The following TEX15 variants were observed in gnomAD, a reference collection of about 807,000 sequenced individuals.
TEX15 encodes the protein testis-expressed protein 15.
A neutral mutation model predicts 237.3 loss-of-function variants in TEX15; 171 were observed. The observed-to-expected ratio is 0.72, with a 90% CI of 0.64 to 0.82. The LOEUF (loss-of-function observed/expected upper bound fraction) is 0.82, where lower values mean the gene tolerates loss of function less well. Among genes scored for constraint, TEX15 ranks in the 40% least tolerant of loss-of-function variants. The pLI is 0.00. For synonymous variants in TEX15, 1,338 were observed against 1,269.8 expected, an observed-to-expected ratio of 1.05 and a Z score of -1.14; for missense variants, 3,750 against 3,646.5, an observed-to-expected ratio of 1.03 and a Z score of -0.73.
At chr8:30,879,720 T>A (rs1324992314) in intron 3 of TEX15, among the ~76,000 whole-genome samples, 2 of 152,186 alleles carry the variant, frequency 1.3e-5, no homozygotes, top group Admixed American at 1.3e-4. Flanking sequence ...TCCATATACT[T>A]CTTCTATTTC....
Position 30,843,228 on chromosome 8 carries a change from C to A in TEX15, c.6939G>T (p.Lys2313Asn), listed in dbSNP as rs1807505437. Residue 2313 changes from lysine (K) to asparagine (N), a missense_variant, in exon 8 of 11, where the codon AAG (lysine) becomes AAT (asparagine). Lys to Asn is a moderately conservative substitution (Grantham distance 94). Coordinates refer to ENST00000643185, the MANE Select transcript of TEX15 (RefSeq NM_001350162.2). Reference sequence around the variant, plus strand: ...AATCTTTAGACAAAGTATCATATATCTTCTGCAACTTAGAAAAGGCACATT... The same window carrying A: ...AATCTTTAGACAAAGTATCATATATATTCTGCAACTTAGAAAAGGCACATT... ...VNKCAFSKLQKIYDTLSKDLN... is the reference protein window; with the variant it reads ...VNKCAFSKLQNIYDTLSKDLN... The A allele has an allele frequency of 2.5e-6, 4 of 1,613,416 alleles. No individual in the cohort carries two copies. The highest frequency in any genetic ancestry group is 2.5e-6 in the Non-Finnish European group (3 of 1,179,668).
chr8:30,895,394 T>C (rs1247328740), intron 2 of TEX15, among the ~76,000 whole-genome samples: 1 of 151,660 alleles, frequency 6.6e-6, no homozygotes, highest in African/African-American at 2.4e-5. Context: ...ACATTGCTTT[T>C]CATGGACTAG....
chr8:30,867,273 T>C lies in TEX15; in HGVS notation c.532A>G (p.Ile178Val). Reference sequence around the variant, plus strand: ...TGTTTTATGATACCTACCTTAAAAATTAAAATACTTTCTACAGTAATGCTT... The same window carrying C: ...TGTTTTATGATACCTACCTTAAAAACTAAAATACTTTCTACAGTAATGCTT... ...SQSITVESIL[I>V]FKVLFGKVKK... The change falls in exon 5 of 11, where the codon ATT (isoleucine) becomes GTT (valine). Residue 178 changes from isoleucine (I) to valine (V), a missense_variant. Transcript: ENST00000643185. 6.8e-7 allele frequency: 1 copy of C among 1,468,532 alleles called. No homozygotes were observed. The allele number at this position is 1,468,532 out of a possible 1,614,324, so 91.0% of individuals were successfully genotyped here. A position where few individuals can be genotyped will look rare whatever the true frequency, so the allele number is the denominator to read the frequency against.
intron 3 of TEX15, among the ~76,000 whole-genome samples, chr8:30,876,406 C>T (rs1171766285): frequency 6.6e-6 from 1 of 152,156 alleles, no homozygotes; most frequent in Non-Finnish European, 1.5e-5. Flanking sequence ...GTAATGTGAC[C>T]TAAGTTCTTC....
chr8:30,838,901 C>T (rs7842562), intron 9 of TEX15, among the ~76,000 whole-genome samples: 3 of 148,316 alleles, frequency 2.0e-5, no homozygotes, highest in Admixed American at 6.7e-5. Context: ...CTGCAACCTC[C>T]GCCTCCCAAG....
chr8:30,899,450 G>A (rs1054786697), intron 1 of TEX15, among the ~76,000 whole-genome samples: 3 of 152,056 alleles, frequency 2.0e-5, no homozygotes, highest in African/African-American at 2.4e-5. Flanking sequence ...TTCTTTTTGT[G>A]TGTGCGTGTG....
chr8:30,842,531 G>T lies in TEX15; in HGVS notation c.7636C>A (p.Gln2546Lys), dbSNP rs1480830203. 1 of 1,611,216 alleles carries T rather than the reference G, an allele frequency of 6.2e-7. No individual in the cohort carries two copies. Among genetic ancestry groups the T allele is most frequent in the Non-Finnish European group, 8.5e-7 (1 of 1,179,640 alleles). The change falls in exon 8 of 11, where the codon CAA becomes AAA. Residue 2546 changes from glutamine to lysine, a missense_variant. Coordinates refer to ENST00000643185, the MANE Select transcript of TEX15 (RefSeq NM_001350162.2). ...YAIHLLSREL[Q>K]ELSEIKKLLK... The stretch of plus-strand genomic sequence containing the variant: ...AGCTTTTTTATTTCTGAAAGTTCTT[G>T]AAGTTCTCTTGAGAGCAAATGAATA...
Position 30,845,331 on chromosome 8 carries a change from T to C in TEX15, c.4836A>G (p.Ile1612Met). 1 of 1,612,766 alleles carries C rather than the reference T, an allele frequency of 6.2e-7. No homozygotes were observed. The highest frequency in any genetic ancestry group is 8.5e-7 in the Non-Finnish European group (1 of 1,179,212). The change falls in exon 8 of 11, where the codon ATA becomes ATG. Residue 1612 changes from isoleucine to methionine, a missense_variant. Physicochemically the swap from Ile to Met is conservative, Grantham distance 10 (BLOSUM62 1). Transcript: ENST00000643185. ...TTAAAGATACAGAATTACTTTCATTTATTACTTCATTAGCGTCACAACTGT... is the reference window on the plus strand; with the variant it reads ...TTAAAGATACAGAATTACTTTCATTCATTACTTCATTAGCGTCACAACTGT... ...KENSCDANEV[I>M]NESNSVSLSC...
intron 5 of TEX15, among the ~76,000 whole-genome samples, chr8:30,863,300 G>T (rs576556980): frequency 1.3e-5 from 2 of 151,992 alleles, no homozygotes; most frequent in African/African-American, 4.8e-5. Context: ...TCAAATTTTT[G>T]GATTAGGGAT....
chr8:30,836,538 C>T (rs1279537409), intron 10 of TEX15, among the ~76,000 whole-genome samples: 1 of 152,124 alleles, frequency 6.6e-6, no homozygotes, highest in Non-Finnish European at 1.5e-5. Flanking sequence ...CTATAAGTTA[C>T]TTAACTATTC....
rs1290320944 is a variant in TEX15 at position 30,837,788 on chromosome 8, A to G, written c.8496T>C (p.Ser2832=). The G allele has an allele frequency of 6.2e-7, 1 of 1,614,096 alleles. No homozygotes were observed. Among genetic ancestry groups the G allele is most frequent in the Admixed American group, 1.7e-5 (1 of 60,010 alleles). Residue 2832 remains serine, a synonymous_variant, in exon 10 of 11, where the codon AGT becomes AGC. Coordinates refer to ENST00000643185, the MANE Select transcript of TEX15 (RefSeq NM_001350162.2). The part of the protein sequence containing the change: ...NVNFSAAETK[S]DKKDCAAFAI... Reference sequence around the variant, plus strand: ...CAAAAGCAGCACAATCTTTCTTATCACTTTTTGTTTCAGCAGCACTGAAGT... The same window carrying G: ...CAAAAGCAGCACAATCTTTCTTATCGCTTTTTGTTTCAGCAGCACTGAAGT...
At chr8:30,904,932 C>T (rs954790245) in intron 1 of TEX15, among the ~76,000 whole-genome samples, 1 of 152,104 alleles carries the variant, frequency 6.6e-6, no homozygotes, top group Non-Finnish European at 1.5e-5. Flanking sequence ...AACACTAATA[C>T]ACAATTATAA....
At chr8:30,912,330 G>GCGCCTCATGGA (rs1412014626) in intron 1 of TEX15, among the ~76,000 whole-genome samples, 1 of 80,480 alleles carries the variant, frequency 1.2e-5, no homozygotes, top group Non-Finnish European at 2.6e-5. Context: ...CGGGGCGGCG[G>GCGCCTCATGGA]GGCTCCCGCC....
chr8:30,895,026 G>A (rs1032742685), intron 2 of TEX15, among the ~76,000 whole-genome samples: 5 of 152,118 alleles, frequency 3.3e-5, no homozygotes, highest in African/African-American at 1.2e-4. Context: ...AGAAATTTCT[G>A]TTGTCTATAA....
rs774343846 is a variant in TEX15, at chr8:30,848,214, T to A, written c.1953A>T (p.Thr651=). Residue 651 remains threonine (T), a synonymous_variant, in exon 8 of 11, where the codon ACA becomes ACT. Transcript: ENST00000643185. ...TGTAATTATCTATTGGACTGATTTT[T>A]GTTTCATTAGTGAAATCATTATCAA... ...KEIDNDFTNE[T]KISPIDNYIV... The A allele has an allele frequency of 1.2e-6, 2 of 1,612,866 alleles. No individual in the cohort carries two copies. Among genetic ancestry groups the A allele is most frequent in the South Asian group, 2.2e-5 (2 of 90,676 alleles).
rs115172268 is a variant in TEX15, at chr8:30,884,128, T to C, written c.136+3039A>G. On this transcript the variant is annotated intron_variant, in intron 3 of 10. Coordinates refer to ENST00000643185, the MANE Select transcript of TEX15 (RefSeq NM_001350162.2). ...CCTAGCCTCAGGGCATGAGCCACAG[T>C]GCCCAATGGTGTAAAAAATTCCTAT... Among the ~76,000 whole-genome samples the C allele has an allele frequency of 6.1e-3, 930 of 152,300 alleles. 10 individuals are homozygous for C. The highest frequency in any genetic ancestry group is 0.021 in the African/African-American group (881 of 41,566).
At chr8:30,898,585 T>C (rs1466493110) in intron 2 of TEX15, among the ~76,000 whole-genome samples, 157 bp downstream of exon 2, 3 of 152,210 alleles carry the variant, frequency 2.0e-5, no homozygotes, top group Admixed American at 2.0e-4. Context: ...CAAGAATAAA[T>C]ATTTACATAC....
In TEX15 at chr8:30,845,909, A is replaced by G. The variant is rs370198125; in HGVS notation, c.4258T>C (p.Cys1420Arg). 1.4e-4 allele frequency: 227 copies of G among 1,613,240 alleles called. No homozygotes were observed. The highest frequency in any genetic ancestry group is 1.9e-4 in the Non-Finnish European group (219 of 1,179,614). ...GPLPKSYAII[C>R]NNFWESCDLQ... The stretch of plus-strand genomic sequence containing the variant: ...TCACAACTTTCCCAGAAATTATTGC[A>G]TATTATTGCATATGATTTTGGTAAT... Residue 1420 changes from cysteine to arginine, a missense_variant, in exon 8 of 11, where the codon TGC becomes CGC. Cys to Arg is a radical substitution (Grantham distance 180). Transcript: ENST00000643185.
Position 30,842,678 on chromosome 8 carries a change from A to G in TEX15, c.7489T>C (p.Phe2497Leu), listed in dbSNP as rs775956733. The G allele has an allele frequency of 1.9e-6, 3 of 1,612,784 alleles. No homozygotes were observed. The Admixed American group carries it at 5.0e-5, about 27-fold the overall frequency. Residue 2497 changes from phenylalanine (F) to leucine (L), a missense_variant, in exon 8 of 11, where the codon TTT becomes CTT. Physicochemically the swap from Phe to Leu is conservative, Grantham distance 22 (BLOSUM62 0). Coordinates refer to ENST00000643185, the MANE Select transcript of TEX15 (RefSeq NM_001350162.2). ...QCQEKMASFS[F>L]LKDNSTDVCL... Reference sequence around the variant, plus strand: ...ACATCTGTTGAGTTATCTTTAAGAAATGAAAAAGAAGCCATTTTTTCTTGG... The same window carrying G: ...ACATCTGTTGAGTTATCTTTAAGAAGTGAAAAAGAAGCCATTTTTTCTTGG...
Sources: gnomAD v4.1 joint callset for allele counts (sites outside exome capture counted in the v4.1 genomes callset) on GRCh38, gnomAD v4.1.1 for gene constraint, MANE v1.5 for transcripts, NCBI Gene and HGNC (gene_info 2026-07-23, HGNC 2026-07-21) for gene names.